TRIOBP: variants seen among roughly 807,000 people sequenced by gnomAD.
TRIOBP encodes the protein TRIO and F-actin binding protein.
TRIOBP carries 169 observed loss-of-function variants against 238.8 expected under a neutral mutation model. The ratio of observed to expected loss-of-function variants is 0.71; its 90% CI spans 0.62 to 0.80. The LOEUF is 0.80. TRIOBP is among the 30% of genes least tolerant of loss of function. TRIOBP has a pLI of 0.00. For synonymous variants in TRIOBP, 1,150 were observed against 1,274.4 expected, an observed-to-expected ratio of 0.90 and a Z score of 2.08; for missense variants, 2,838 against 3,122.6, an observed-to-expected ratio of 0.91 and a Z score of 2.17.
chr22:37,738,495 A>G (rs1924787711), intron 9 of TRIOBP, 147 bp from the exon 10 acceptor site: 3 of 755,878 alleles, frequency 4.0e-6, no homozygotes, highest in Non-Finnish European at 6.9e-6. Context: ...TAGACACTGG[A>G]TGGTTGGATG....
intron 2 of TRIOBP, among the ~76,000 whole-genome samples, chr22:37,698,073 G>C (rs562781826): frequency 6.6e-6 from 1 of 151,738 alleles, no homozygotes; most frequent in African/African-American, 2.4e-5. Context: ...GGTGGCACAT[G>C]CCTGTAATCC....
chr22:37,757,833 G>A lies in TRIOBP; in HGVS notation c.5908G>A (p.Ala1970Thr), dbSNP rs1208260930. The change falls in exon 16 of 24, where the codon GCC becomes ACC. Residue 1970 changes from alanine (A) to threonine (T), a missense_variant. By Grantham distance (58) the Ala-to-Thr change is moderately conservative (BLOSUM62 0). Transcript: ENST00000644935. ...RTPARTPDRLAKQEELERDLA... is the reference protein window; with the variant it reads ...RTPARTPDRLTKQEELERDLA... ...CCCAGCCCGCACTCCTGACCGCCTG[G>A]CCAAGCAGGAGGAGCTGGAGCGGGA... 2.6e-6 allele frequency: 4 copies of A among 1,550,192 alleles called. No homozygotes were observed. The highest frequency in any genetic ancestry group is 2.0e-5 in the Admixed American group (1 of 51,118).
At chr22:37,754,171 A>G (rs989197984) in intron 12 of TRIOBP, among the ~76,000 whole-genome samples, 1 of 152,178 alleles carries the variant, frequency 6.6e-6, no homozygotes, top group Non-Finnish European at 1.5e-5. Flanking sequence ...GCACTTTGGG[A>G]GGCCAAGGCA....
At position 37,725,981 on chromosome 22, in the gene TRIOBP, C is replaced by G; in HGVS notation, c.3425C>G (p.Ala1142Gly). 1.9e-6 allele frequency: 3 copies of G among 1,613,088 alleles called. No individual in the cohort carries two copies. The South Asian group carries it at 3.3e-5, about 18-fold the overall frequency. ...CTCTTATTCCAGGACCTCCCCAGGG[C>G]CAGCACAGAGAGCCTTGTCCCTTCC... ...PSLLFQDLPRASTESLVPSMD... is the reference protein window; with the variant it reads ...PSLLFQDLPRGSTESLVPSMD... Residue 1142 changes from alanine to glycine, a missense_variant, in exon 7 of 24, where the codon GCC (alanine) becomes GGC (glycine). By Grantham distance (60) the Ala-to-Gly change is moderately conservative. Coordinates refer to ENST00000644935, the MANE Select transcript of TRIOBP (RefSeq NM_001039141.3).
At chr22:37,759,634 T>C in intron 17 of TRIOBP, 1 of 1,536,016 alleles carries the variant, frequency 6.5e-7, no homozygotes, top group Non-Finnish European at 8.7e-7. Context: ...CGAGAGTCAC[T>C]CCCTGAACAC....
At chr22:37,697,121 G>GCTAC (rs1158977943) in intron 1 of TRIOBP, 32 bp downstream of exon 1, 2 of 152,282 alleles carry the variant, frequency 1.3e-5, no homozygotes, top group Non-Finnish European at 2.9e-5. Flanking sequence ...AGAGGAGCTG[G>GCTAC]TAGGGGGAGG....
intron 11 of TRIOBP, among the ~76,000 whole-genome samples, chr22:37,743,696 TAA>T (rs1476273243): frequency 6.6e-6 from 1 of 152,176 alleles, no homozygotes; most frequent in Non-Finnish European, 1.5e-5. Context: ...CAGCAGTTCC[TAA>T]GTCTGCTGGG....
At chr22:37,766,821 C>T (rs769342897) in intron 18 of TRIOBP, among the ~76,000 whole-genome samples, 30 of 151,830 alleles carry the variant, frequency 2.0e-4, no homozygotes, top group Non-Finnish European at 3.8e-4. Flanking sequence ...ATTAGCTGGG[C>T]GTGATGGTGG....
At chr22:37,750,816 C>T (rs1925550911) in intron 11 of TRIOBP, 1 of 453,056 alleles carries the variant, frequency 2.2e-6, no homozygotes. Context: ...GCTGTGGTTT[C>T]CAGCTGCCAC....
At position 37,725,029 on chromosome 22, in the gene TRIOBP, A is replaced by G. The variant is rs201418144; in HGVS notation, c.2473A>G (p.Arg825Gly). ...PRTCIQQNIP[R>G]SSSTQQDNPK... ...AACTTGTATTCAACAGAACATCCCCAGATCATCTTCTACCCAACAAGACAA... is the reference window on the plus strand; with the variant it reads ...AACTTGTATTCAACAGAACATCCCCGGATCATCTTCTACCCAACAAGACAA... Residue 825 changes from arginine to glycine, a missense_variant, in exon 7 of 24, where the codon AGA (arginine) becomes GGA (glycine). By Grantham distance (125) the Arg-to-Gly change is moderately radical (BLOSUM62 -2). Coordinates refer to ENST00000644935, the MANE Select transcript of TRIOBP (RefSeq NM_001039141.3). 8.1e-6 allele frequency: 13 copies of G among 1,614,118 alleles called. No individual in the cohort carries two copies. The highest frequency in any genetic ancestry group is 1.1e-5 in the Non-Finnish European group (13 of 1,179,962).
chr22:37,734,376 C>G, intron 8 of TRIOBP, 23 bp from the exon 9 acceptor site: 3 of 1,608,294 alleles, frequency 1.9e-6, no homozygotes, highest in Non-Finnish European at 2.5e-6. Context: ...AGAGCCTCAC[C>G]TACCCCCTCA....
intron 7 of TRIOBP, among the ~76,000 whole-genome samples, chr22:37,728,473 A>T (rs1924283420): frequency 6.6e-6 from 1 of 152,130 alleles, no homozygotes; most frequent in African/African-American, 2.4e-5. Flanking sequence ...CTTGTTCTTC[A>T]AATTTCCTTT....
chr22:37,710,626 C>A (rs1349996142), intron 4 of TRIOBP, 60 bp downstream of exon 4: 2 of 1,560,226 alleles, frequency 1.3e-6, no homozygotes, highest in East Asian at 2.3e-5. Context: ...TCACCCTTCC[C>A]ATTTGCACTC....
At position 37,715,327 on chromosome 22, in the gene TRIOBP, GT is replaced by G. The variant is rs200726803; in HGVS notation, c.457-427del. On this transcript the variant is annotated intron_variant, in intron 5 of 23. Coordinates refer to ENST00000644935, the MANE Select transcript of TRIOBP (RefSeq NM_001039141.3). The stretch of plus-strand genomic sequence containing the variant: ...ACTGCGCCCTGCAGGGAAGTGCTTT[GT>G]TTTTTTTTGTTTTGTTTTTCTTTTT... Among the ~76,000 whole-genome samples the G allele has an allele frequency of 8.3e-5, 12 of 144,644 alleles. 1 individual carries two copies. The East Asian group carries it at 2.3e-3, about 28-fold the overall frequency. 94.9% of individuals were successfully genotyped at this position (144,644 alleles called of 152,430 possible).
chr22:37,759,933 A>C (rs1926156951), intron 17 of TRIOBP: 1 of 256,414 alleles, frequency 3.9e-6, no homozygotes, highest in Admixed American at 5.3e-5. Context: ...TTACAAATAA[A>C]AATATATAAT....
chr22:37,757,743 C>T lies in TRIOBP; in HGVS notation c.5818C>T (p.Arg1940Cys), dbSNP rs535817741. The change falls in exon 16 of 24, where the codon CGT becomes TGT. Residue 1940 changes from arginine to cysteine, a missense_variant. This residue lies in a region of TRIOBP where 2,096 missense variants were observed against 2,137.4 expected (regional missense o/e 0.98). Coordinates refer to ENST00000644935, the MANE Select transcript of TRIOBP (RefSeq NM_001039141.3). ...RGGPRKADGQ[R>C]QALDYVELSP... ...TGGCCCTCGGAAGGCGGACGGGCAG[C>T]GTCAGGCCTTGGACTACGTGGAGCT... The T allele has an allele frequency of 2.5e-5, 40 of 1,569,006 alleles. No individual in the cohort carries two copies. In the East Asian group the frequency reaches 5.4e-4, roughly 21 times the overall value.
At chr22:37,758,866 T>C (rs1926090417) in intron 16 of TRIOBP, among the ~76,000 whole-genome samples, 1 of 152,186 alleles carries the variant, frequency 6.6e-6, no homozygotes, top group South Asian at 2.1e-4. Context: ...CTCCATGATG[T>C]GTAAACATCT....
chr22:37,701,581 G>C, intron 3 of TRIOBP, 102 bp downstream of exon 3: 1 of 817,828 alleles, frequency 1.2e-6, no homozygotes, highest in Non-Finnish European at 2.1e-6. Context: ...CCAGATGCTG[G>C]ACTTCCTCCT....
chr22:37,702,541 C>T (rs1378993857), intron 3 of TRIOBP, among the ~76,000 whole-genome samples: 2 of 151,740 alleles, frequency 1.3e-5, no homozygotes, highest in Non-Finnish European at 2.9e-5. Flanking sequence ...GAGCTTGCAT[C>T]CTGCTGTCTC....
Sources: gnomAD v4.1 joint callset for allele counts (sites outside exome capture counted in the v4.1 genomes callset) on GRCh38, gnomAD v4.1.1 for gene constraint, gnomAD v4.1.1 regional missense constraint, MANE v1.5 for transcripts, NCBI Gene and HGNC (gene_info 2026-07-23, HGNC 2026-07-21) for gene names.